DLGAP2: variants seen among roughly 807,000 people sequenced by gnomAD.
The protein encoded by DLGAP2 is disks large-associated protein 2.
A neutral mutation model predicts 100.3 loss-of-function variants in DLGAP2; 26 were observed. The ratio of observed to expected loss-of-function variants is 0.26; its 90% CI spans 0.19 to 0.36. The LOEUF (loss-of-function observed/expected upper bound fraction) is 0.36, where lower values mean the gene tolerates loss of function less well. Among genes scored for constraint, DLGAP2 ranks in the 10% least tolerant of loss-of-function variants. The pLI is 1.00. For missense variants in DLGAP2, 1,858 were observed against 1,453.2 expected, an observed-to-expected ratio of 1.28 and a Z score of -4.53; for synonymous variants, 886 against 630.1, an observed-to-expected ratio of 1.41 and a Z score of -6.08.
intron 2 of DLGAP2, among the ~76,000 whole-genome samples, 166 bp from the exon 3 acceptor site, chr8:1,258,685 G>A (rs761733299): frequency 6.6e-5 from 10 of 152,308 alleles, no homozygotes; most frequent in Admixed American, 2.6e-4. Flanking sequence ...AGTTGCTGGC[G>A]TGCAAGGCCA....
chr8:1,475,064 G>C (rs1050768130), intron 3 of DLGAP2, among the ~76,000 whole-genome samples: 1 of 152,122 alleles, frequency 6.6e-6, no homozygotes, highest in African/African-American at 2.4e-5. Flanking sequence ...GGAAGAATGA[G>C]ATCATGTCCT....
chr8:1,549,635 G>C lies in DLGAP2; in HGVS notation c.1182G>C (p.Leu394=). 6.3e-7 allele frequency: 1 copy of C among 1,583,718 alleles called. No homozygotes were observed. Among genetic ancestry groups the C allele is most frequent in the African/African-American group, 1.3e-5 (1 of 74,234 alleles). Residue 394 remains leucine, a synonymous_variant, in exon 5 of 15, where the codon CTG becomes CTC. Coordinates refer to ENST00000637795, the MANE Select transcript of DLGAP2 (RefSeq NM_001346810.2). ...RKSSLNLDKP[L]LHQDAKPALR... ...GCTCGCTGAACCTGGACAAGCCGCT[G>C]CTGCACCAGGACGCCAAGCCCGCCC... is the stretch of plus-strand genomic sequence containing the variant.
At chr8:983,754 C>T (rs1800408697) in intron 2 of DLGAP2, among the ~76,000 whole-genome samples, 2 of 152,098 alleles carry the variant, frequency 1.3e-5, no homozygotes, top group Non-Finnish European at 2.9e-5. Context: ...GCAATCCTTT[C>T]ACCGCAGCCT....
chr8:1,581,831 A>C (rs925901978), intron 6 of DLGAP2, among the ~76,000 whole-genome samples: 22 of 151,844 alleles, frequency 1.4e-4, no homozygotes, highest in African/African-American at 5.1e-4. Flanking sequence ...TCAAACTACC[A>C]GAAGTGAAGG....
chr8:1,130,730 G>A (rs944032072), intron 2 of DLGAP2, among the ~76,000 whole-genome samples: 2 of 152,218 alleles, frequency 1.3e-5, no homozygotes, highest in South Asian at 2.1e-4. Context: ...AAGACAGACC[G>A]CACCAGAGGC....
intron 6 of DLGAP2, among the ~76,000 whole-genome samples, chr8:1,600,521 G>T (rs890506537): frequency 6.6e-6 from 1 of 152,166 alleles, no homozygotes; most frequent in Non-Finnish European, 1.5e-5. Flanking sequence ...ATCTAATGTA[G>T]GATTGGTCTT....
intron 3 of DLGAP2, among the ~76,000 whole-genome samples, chr8:1,480,941 GGC>G (rs1799074761): frequency 1.3e-5 from 2 of 152,100 alleles, no homozygotes; most frequent in Non-Finnish European, 2.9e-5. Flanking sequence ...GGGAGGCCGA[GGC>G]GGGCAGATCA....
chr8:1,701,475 C>T lies in DLGAP2; in HGVS notation c.*69C>T. 2.1e-6 allele frequency: 3 copies of T among 1,451,754 alleles called. No homozygotes were observed. The highest frequency in any genetic ancestry group is 2.5e-5 in the East Asian group (1 of 39,960). The allele number at this position is 1,451,754 out of a possible 1,614,324, so 89.9% of individuals were successfully genotyped here. A position where few individuals can be genotyped will look rare whatever the true frequency, so the allele number is the denominator to read the frequency against. ...GACGCTTGTGCAGCGCGGCGCCGCC[C>T]TGGTGGTTTCTGTCTCCTCCTCCCG... On this transcript the variant is annotated 3_prime_UTR_variant, in exon 15 of 15. Transcript: ENST00000637795.
chr8:1,270,640 T>G (rs527492599), intron 3 of DLGAP2, among the ~76,000 whole-genome samples: 1 of 152,148 alleles, frequency 6.6e-6, no homozygotes, highest in East Asian at 1.9e-4. Flanking sequence ...CCAGTAAAAT[T>G]TCCTTTGCCT....
chr8:1,263,760 C>G (rs781705269), intron 3 of DLGAP2, among the ~76,000 whole-genome samples: 1 of 152,148 alleles, frequency 6.6e-6, no homozygotes, highest in Non-Finnish European at 1.5e-5. Flanking sequence ...CAGCCCTGTT[C>G]TCTGCTCTCT....
intron 8 of DLGAP2, among the ~76,000 whole-genome samples, chr8:1,641,880 G>A (rs988681591): frequency 8.6e-5 from 11 of 128,554 alleles, no homozygotes; most frequent in Admixed American, 3.1e-4. Context: ...CCTCGAACCC[G>A]CCGGTCCTCA....
At chr8:980,474 A>G (rs1442585388) in intron 2 of DLGAP2, among the ~76,000 whole-genome samples, 1 of 152,332 alleles carries the variant, frequency 6.6e-6, no homozygotes, top group African/African-American at 2.4e-5. Context: ...TTCCTGTGTC[A>G]TCCTTGTACC....
intron 4 of DLGAP2, among the ~76,000 whole-genome samples, chr8:1,507,466 C>T (rs1372999957): frequency 6.6e-6 from 1 of 152,146 alleles, no homozygotes; most frequent in Admixed American, 6.5e-5. Context: ...GGAGCCCGCG[C>T]CCACCCAGAA....
At chr8:869,237 G>A (rs893992411) in intron 1 of DLGAP2, among the ~76,000 whole-genome samples, 2 of 152,202 alleles carry the variant, frequency 1.3e-5, no homozygotes, top group Non-Finnish European at 2.9e-5. Flanking sequence ...CTCGGTGGCT[G>A]GAAGTCACAG....
intron 3 of DLGAP2, among the ~76,000 whole-genome samples, chr8:1,315,691 AGC>A (rs1425597724): frequency 2.2e-4 from 20 of 91,176 alleles, no homozygotes; most frequent in African/African-American, 2.0e-4. Context: ...GAAACTCGGC[AGC>A]GTTTAAAAAT....
intron 6 of DLGAP2, among the ~76,000 whole-genome samples, chr8:1,594,718 C>T (rs1186456001): frequency 6.6e-6 from 1 of 152,168 alleles, no homozygotes; most frequent in African/African-American, 2.4e-5. Flanking sequence ...GCCACCGCGC[C>T]CGGCCAGGTC....
At chr8:1,433,626 T>G (rs547151459) in intron 3 of DLGAP2, among the ~76,000 whole-genome samples, 1 of 142,246 alleles carries the variant, frequency 7.0e-6, no homozygotes, top group African/African-American at 2.5e-5. Context: ...CTGACCGACT[T>G]GGAATTTTTT....
chr8:827,821 C>T (rs1018009231), intron 1 of DLGAP2, among the ~76,000 whole-genome samples: 1 of 152,108 alleles, frequency 6.6e-6, no homozygotes, highest in East Asian at 1.9e-4. Context: ...TATCGGGGGA[C>T]CTGCCCCGAT....
At chr8:1,376,510 G>A (rs879944903) in intron 3 of DLGAP2, among the ~76,000 whole-genome samples, 3 of 152,370 alleles carry the variant, frequency 2.0e-5, no homozygotes, top group East Asian at 1.9e-4. Flanking sequence ...GCTGGAGGCC[G>A]TGCTGGTACA....
Sources: gnomAD v4.1 joint callset for allele counts (sites outside exome capture counted in the v4.1 genomes callset) on GRCh38, gnomAD v4.1.1 for gene constraint, MANE v1.5 for transcripts, NCBI Gene and HGNC (gene_info 2026-07-23, HGNC 2026-07-21) for gene names.